Variants in OSBPL10 observed in about 807,000 individuals in gnomAD.
OSBPL10 encodes the protein oxysterol binding protein like 10.
Under a neutral mutation model 81.7 loss-of-function variants are expected in OSBPL10, and 49 were observed. The observed-to-expected ratio is 0.60, with a 90% CI of 0.48 to 0.76. The LOEUF is 0.76. Ranked by LOEUF, OSBPL10 falls within the 30% of genes least tolerant of loss-of-function variation. The probability of loss-of-function intolerance (pLI) is 0.00; values close to 1 mark genes in which losing one functional copy is unlikely to be tolerated. For synonymous variants in OSBPL10, 419 were observed against 383.6 expected (o/e 1.09, Z -1.08); for missense variants, 923 against 987.8 (o/e 0.93, Z 0.88).
chr3:31,701,824 C>T (rs1695904473), intron 7 of OSBPL10: 1 of 153,646 alleles, frequency 6.5e-6, no homozygotes, highest in Non-Finnish European at 1.4e-5. Context: ...AGAGTTGGTT[C>T]CACTTCTACC....
intron 2 of OSBPL10, among the ~76,000 whole-genome samples, chr3:32,028,138 C>T (rs535072323): frequency 1.3e-5 from 2 of 152,296 alleles, no homozygotes; most frequent in South Asian, 4.2e-4. Context: ...GCTCTTGTTG[C>T]TCCTGCTAAA....
intron 1 of OSBPL10, among the ~76,000 whole-genome samples, chr3:31,901,808 CG>C (rs1369811021): frequency 3.9e-5 from 6 of 152,142 alleles, no homozygotes; most frequent in South Asian, 2.1e-4. Flanking sequence ...GAAGCCAAGG[CG>C]GGCGGACTGC....
intron 4 of OSBPL10, among the ~76,000 whole-genome samples, chr3:31,768,708 C>T (rs975472294): frequency 1.3e-5 from 2 of 152,188 alleles, no homozygotes; most frequent in Admixed American, 1.3e-4. Context: ...ATACTTCACC[C>T]TCTGTGCCAC....
intron 7 of OSBPL10, among the ~76,000 whole-genome samples, chr3:31,686,958 A>C (rs901624034): frequency 1.3e-4 from 20 of 152,042 alleles, no homozygotes; most frequent in African/African-American, 4.8e-4. Context: ...CCCCAGAATC[A>C]CCCAAGGGCT....
At chr3:31,999,785 T>G (rs1435094946) in intron 2 of OSBPL10, among the ~76,000 whole-genome samples, 1 of 152,106 alleles carries the variant, frequency 6.6e-6, no homozygotes, top group Non-Finnish European at 1.5e-5. Context: ...CACAGCCCGG[T>G]GAAATGAGAC....
rs1700884947 is a variant in OSBPL10 at position 31,689,415 on chromosome 3, G to A, written c.1246-5301C>T. Among the ~76,000 whole-genome samples, 3 of 152,176 alleles carry A rather than the reference G, an allele frequency of 2.0e-5. No individual in the cohort carries two copies. In the South Asian group the frequency reaches 6.2e-4, roughly 32 times the overall value. On this transcript the variant is annotated intron_variant, in intron 7 of 11. Transcript: ENST00000396556. The stretch of plus-strand genomic sequence containing the variant: ...TGTTACATTTCCCAATGTGACACAT[G>A]TATACTATAATGTCCTTATTCTTAG...
chr3:31,920,278 A>G (rs906341132), intron 1 of OSBPL10, among the ~76,000 whole-genome samples: 16 of 152,216 alleles, frequency 1.1e-4, no homozygotes, highest in African/African-American at 3.9e-4. Flanking sequence ...TGTCCAACAC[A>G]AAGAGTGAAC....
intron 4 of OSBPL10, among the ~76,000 whole-genome samples, chr3:31,813,383 C>A (rs1699757290): frequency 6.6e-6 from 1 of 152,176 alleles, no homozygotes; most frequent in South Asian, 2.1e-4. Flanking sequence ...GGCTCTCCAC[C>A]CAGAATTGAA....
intron 2 of OSBPL10, among the ~76,000 whole-genome samples, chr3:32,031,784 T>C (rs1699471979): frequency 9.1e-6 from 1 of 109,724 alleles, no homozygotes; most frequent in Admixed American, 1.1e-4. Context: ...AAAGAATCCA[T>C]AAAATTCTGA....
At chr3:31,997,334 G>C (rs553001102) in intron 2 of OSBPL10, among the ~76,000 whole-genome samples, 1 of 150,900 alleles carries the variant, frequency 6.6e-6, no homozygotes, top group Non-Finnish European at 1.5e-5. Context: ...GTGCGATTTC[G>C]GCTCACTGCA....
intron 1 of OSBPL10, among the ~76,000 whole-genome samples, chr3:31,907,479 TAGCCAG>T (rs1696441681): frequency 6.6e-6 from 1 of 151,324 alleles, no homozygotes; most frequent in Admixed American, 6.6e-5. Flanking sequence ...ATACAAAAAG[TAGCCAG>T]GCATGGTGGC....
At chr3:31,719,050 T>A (rs1385631187) in intron 6 of OSBPL10, 1 of 152,212 alleles carries the variant, frequency 6.6e-6, no homozygotes, top group African/African-American at 2.4e-5. Flanking sequence ...ATAGCTGCTG[T>A]TCATCCCTAC....
At chr3:31,869,665 G>C (rs1302121870) in intron 3 of OSBPL10, among the ~76,000 whole-genome samples, 2 of 152,172 alleles carry the variant, frequency 1.3e-5, no homozygotes, top group Non-Finnish European at 2.9e-5. Flanking sequence ...ACTAGGATGG[G>C]AGATGGAAAG....
At chr3:31,771,956 T>C (rs1222533060) in intron 4 of OSBPL10, among the ~76,000 whole-genome samples, 1 of 152,204 alleles carries the variant, frequency 6.6e-6, no homozygotes, top group Non-Finnish European at 1.5e-5. Context: ...CCAGACATCA[T>C]GAAACATGTT....
intron 1 of OSBPL10, among the ~76,000 whole-genome samples, chr3:31,957,231 A>G (rs1338102441): frequency 6.6e-6 from 1 of 152,220 alleles, no homozygotes; most frequent in Non-Finnish European, 1.5e-5. Flanking sequence ...AACTATCACA[A>G]CTGACACATA....
intron 1 of OSBPL10, among the ~76,000 whole-genome samples, chr3:31,906,188 T>A (rs1267914179): frequency 6.6e-6 from 1 of 152,180 alleles, no homozygotes; most frequent in Non-Finnish European, 1.5e-5. Flanking sequence ...ACTTTGTTCT[T>A]CACCAACCCC....
chr3:31,812,711 GC>G (rs1209003597), intron 4 of OSBPL10, among the ~76,000 whole-genome samples: 1 of 77,824 alleles, frequency 1.3e-5, no homozygotes, highest in East Asian at 5.1e-4. Context: ...TACACAGTAG[GC>G]AAAAAAAAAG....
At chr3:32,004,342 A>G (rs1455840442) in intron 2 of OSBPL10, among the ~76,000 whole-genome samples, 1 of 152,106 alleles carries the variant, frequency 6.6e-6, no homozygotes, top group African/African-American at 2.4e-5. Context: ...TTGCTGGATT[A>G]TGCTGTGATA....
At position 31,807,956 on chromosome 3, in the gene OSBPL10, A is replaced by C. The variant is rs148061719; in HGVS notation, c.729+22084T>G. On this transcript the variant is annotated intron_variant, in intron 4 of 11. Coordinates refer to ENST00000396556, the MANE Select transcript of OSBPL10 (RefSeq NM_017784.5). ...ATGTTGGGCCATGATATAATGACTT[A>C]TTAATAACTTCAACTTATGTATAAA... Among the ~76,000 whole-genome samples the C allele has an allele frequency of 6.6e-3, 1,002 of 152,324 alleles. 5 individuals are homozygous for C. The highest frequency in any genetic ancestry group is 0.023 in the African/African-American group (957 of 41,566).
Sources: gnomAD v4.1 joint callset for allele counts (sites outside exome capture counted in the v4.1 genomes callset) on GRCh38, gnomAD v4.1.1 for gene constraint, MANE v1.5 for transcripts, NCBI Gene and HGNC (gene_info 2026-07-23, HGNC 2026-07-21) for gene names.